Variants in GATM observed in about 807,000 individuals in gnomAD.
The protein encoded by GATM is glycine amidinotransferase.
A neutral mutation model predicts 54.2 loss-of-function variants in GATM; 23 were observed. That is an observed-to-expected ratio of 0.42 (90% CI 0.31 to 0.60). GATM has a LOEUF of 0.60. GATM is among the 20% of genes least tolerant of loss of function. GATM has a pLI of 0.14. For synonymous variants in GATM, 168 were observed against 183.1 expected (o/e 0.92, Z 0.67); for missense variants, 401 against 544.9 (o/e 0.74, Z 2.63).
At chr15:45,400,982 A>T (rs1889995707) in intron 1 of GATM, among the ~76,000 whole-genome samples, 1 of 152,148 alleles carries the variant, frequency 6.6e-6, no homozygotes, top group African/African-American at 2.4e-5. Flanking sequence ...TTTTATTTCA[A>T]AAAATGCAAA....
In GATM at chr15:45,368,465, T is replaced by C. The variant is rs1387937222; in HGVS notation, c.485-205A>G. Among the ~76,000 whole-genome samples, 1 of 151,618 alleles carries C rather than the reference T, an allele frequency of 6.6e-6. No homozygotes were observed. The highest frequency in any genetic ancestry group is 3.2e-3 in the Middle Eastern group (1 of 316). The stretch of plus-strand genomic sequence containing the variant: ...TCTACTAAAAGAATACGAAAACAAT[T>C]AGCCAGGCATGGTGGCACGTGCCTG... On this transcript the variant is annotated intron_variant, in intron 3 of 8. Coordinates refer to ENST00000396659, the MANE Select transcript of GATM (RefSeq NM_001482.3). The surrounding 1 kb of genome is among the most constrained non-coding windows in gnomAD (Gnocchi z 5.1).
intron 6 of GATM, 104 bp from the exon 7 acceptor site, chr15:45,364,964 G>T: frequency 1.1e-6 from 1 of 904,930 alleles, no homozygotes; most frequent in Non-Finnish European, 1.8e-6. Flanking sequence ...TTGAGAAGCT[G>T]TCTTCTCAGC....
intron 2 of GATM, among the ~76,000 whole-genome samples, chr15:45,398,585 T>C (rs781198084): frequency 1.3e-5 from 2 of 152,240 alleles, no homozygotes; most frequent in Admixed American, 6.5e-5. Flanking sequence ...TTTCATTACA[T>C]ACTTTATGAA....
At chr15:45,370,520 C>A (rs1225157043) in intron 2 of GATM, among the ~76,000 whole-genome samples, 3 of 152,066 alleles carry the variant, frequency 2.0e-5, no homozygotes, top group Non-Finnish European at 2.9e-5. Context: ...TCATACCAAC[C>A]ACACCTCTCC....
At chr15:45,393,858 T>C (rs1233256156) in intron 3 of GATM, among the ~76,000 whole-genome samples, 1 of 152,210 alleles carries the variant, frequency 6.6e-6, no homozygotes, top group Non-Finnish European at 1.5e-5. Context: ...ATTTCTGGAT[T>C]AGGAATGCTC....
chr15:45,380,700 T>G (rs944644767), upstream of GATM: 8 of 151,948 alleles, frequency 5.3e-5, 1 homozygote, highest in Non-Finnish European at 1.0e-4. Context: ...GAATTGGGAG[T>G]GTCTGGTAAT....
rs12437887 is a variant in GATM at position 45,376,896 on chromosome 15, G to A, written c.70-77C>T. 0.3 allele frequency: 404,409 copies of A among 1,355,328 alleles called. 70,367 individuals carry two copies. The highest frequency in any genetic ancestry group is 0.85 in the East Asian group (33,955 of 40,142). 84.0% of individuals were successfully genotyped at this position (1,355,328 alleles called of 1,614,324 possible). ...ACAGAGAGGAGGAAGTGGAGATGGAGTAAAAATCCAGCATAACATTGCCAC... is the reference window on the plus strand; with the variant it reads ...ACAGAGAGGAGGAAGTGGAGATGGAATAAAAATCCAGCATAACATTGCCAC... On this transcript the variant is annotated intron_variant, in intron 1 of 8. Transcript: ENST00000396659.
chr15:45,365,727 G>C (rs954548675), intron 6 of GATM, among the ~76,000 whole-genome samples: 2 of 152,224 alleles, frequency 1.3e-5, no homozygotes, highest in African/African-American at 4.8e-5. Flanking sequence ...ATTCGCTGCT[G>C]TGGAACCACT....
At chr15:45,379,215 A>G (rs1250010340), upstream of GATM, 1 of 152,158 alleles carries the variant, frequency 6.6e-6, no homozygotes, top group African/African-American at 2.4e-5. Flanking sequence ...CTTCCATTTC[A>G]TGTTTTAAAA....
chr15:45,364,750 C>T, intron 7 of GATM, 47 bp downstream of exon 7: 3 of 1,498,500 alleles, frequency 2.0e-6, no homozygotes, highest in Non-Finnish European at 2.8e-6. Context: ...GATCCTTGGT[C>T]ACTAAAGTAA....
intron 2 of GATM, among the ~76,000 whole-genome samples, chr15:45,397,923 C>G (rs927067085): frequency 4.6e-5 from 7 of 152,224 alleles, no homozygotes; most frequent in Admixed American, 3.9e-4. Flanking sequence ...ATGTGGGGAA[C>G]TCCCCAACCA....
chr15:45,365,601 G>C (rs921460017), intron 6 of GATM, among the ~76,000 whole-genome samples: 2 of 152,176 alleles, frequency 1.3e-5, no homozygotes, highest in African/African-American at 4.8e-5. Context: ...CAGTGCAGTG[G>C]CTTCACTTTT....
chr15:45,371,268 CT>C (rs1462875882), intron 2 of GATM, among the ~76,000 whole-genome samples: 2 of 152,154 alleles, frequency 1.3e-5, no homozygotes, highest in African/African-American at 4.8e-5. Flanking sequence ...AGCCTTGAAC[CT>C]TCATCAAAAG....
intron 2 of GATM, among the ~76,000 whole-genome samples, chr15:45,369,989 T>C (rs901905729): frequency 6.6e-5 from 10 of 152,052 alleles, no homozygotes; most frequent in African/African-American, 1.9e-4. Flanking sequence ...GTCTAGAAAA[T>C]AGCACCTCAA....
chr15:45,373,529 ATATT>A (rs1050714851), intron 2 of GATM, among the ~76,000 whole-genome samples: 1 of 151,788 alleles, frequency 6.6e-6, no homozygotes, highest in Non-Finnish European at 1.5e-5. Flanking sequence ...ATATATATAT[ATATT>A]TGATAGCAGA....
At position 45,376,649 on chromosome 15, in the gene GATM, C is replaced by T. The variant is rs1566842655; in HGVS notation, c.240G>A (p.Val80=). The change falls in exon 2 of 9, where the codon GTG becomes GTA. Residue 80 remains valine, a synonymous_variant. Transcript: ENST00000396659. ...GAACACAGGCGTTTTCTGCTCTGCC[C>T]ACTATCACTTCCTCTAAGGGGTCCC... ...NEWDPLEEVI[V]GRAENACVPP... The T allele has an allele frequency of 6.2e-7, 1 of 1,614,170 alleles. No individual in the cohort carries two copies. The highest frequency in any genetic ancestry group is 1.7e-5 in the Admixed American group (1 of 60,022).
At chr15:45,386,153 C>G (rs1889801482) in intron 3 of GATM, among the ~76,000 whole-genome samples, 1 of 152,130 alleles carries the variant, frequency 6.6e-6, no homozygotes, top group Non-Finnish European at 1.5e-5. Flanking sequence ...GGCTTCCTCA[C>G]AATATTAACT....
At chr15:45,373,088 A>G (rs576911610) in intron 2 of GATM, 1 of 152,382 alleles carries the variant, frequency 6.6e-6, no homozygotes, top group Non-Finnish European at 1.5e-5. Flanking sequence ...AGAAATGACA[A>G]CAGAAATGTA....
chr15:45,371,261 C>T (rs1242626176), intron 2 of GATM, among the ~76,000 whole-genome samples: 1 of 152,162 alleles, frequency 6.6e-6, no homozygotes, highest in Admixed American at 6.5e-5. Flanking sequence ...AAGAAAAAGC[C>T]TTGAACCTTC....
Sources: gnomAD v4.1 joint callset for allele counts (sites outside exome capture counted in the v4.1 genomes callset) on GRCh38, gnomAD v4.1.1 for gene constraint, Gnocchi (gnomAD v3.1) non-coding constraint, MANE v1.5 for transcripts, NCBI Gene and HGNC (gene_info 2026-07-23, HGNC 2026-07-21) for gene names.